The following MYO15A variants were observed in gnomAD, a reference collection of about 807,000 sequenced individuals.
MYO15A encodes myosin XVA, also known as unconventional myosin-XV.
MYO15A carries 308 observed loss-of-function variants against 394.6 expected under a neutral mutation model. The observed-to-expected ratio is 0.78, with a 90% CI of 0.71 to 0.86. MYO15A has a LOEUF of 0.86. Ranked by LOEUF, MYO15A falls within the 40% of genes least tolerant of loss-of-function variation. The probability of loss-of-function intolerance (pLI) is 0.00; values close to 1 mark genes in which losing one functional copy is unlikely to be tolerated. For missense variants in MYO15A, 4,606 were observed against 4,799.1 expected, an observed-to-expected ratio of 0.96 and a Z score of 1.19; for synonymous variants, 1,957 against 2,003.8, an observed-to-expected ratio of 0.98 and a Z score of 0.62.
In MYO15A at chr17:18,135,915, C is replaced by T; in HGVS notation, c.4596+91C>T. 3.4e-6 allele frequency: 4 copies of T among 1,178,008 alleles called. No individual in the cohort carries two copies. The South Asian group carries it at 5.3e-5, about 15-fold the overall frequency. 73.0% of individuals were successfully genotyped at this position (1,178,008 alleles called of 1,614,324 possible). ...GCCGATCCTTTGTGGGCAGCCTCTC[C>T]CTCTCTCCTGCTCTCTCTGTCCCTG... On this transcript the variant is annotated intron_variant, in intron 13 of 65. Transcript: ENST00000647165.
At chr17:18,118,026 C>T (rs1054975603) in intron 1 of MYO15A, among the ~76,000 whole-genome samples, 3 of 152,126 alleles carry the variant, frequency 2.0e-5, no homozygotes, top group African/African-American at 7.2e-5. Context: ...CCAGGCCTGA[C>T]CCAACCTCCA....
In MYO15A at chr17:18,135,838, C is replaced by T; in HGVS notation, c.4596+14C>T. The T allele has an allele frequency of 6.2e-7, 1 of 1,609,632 alleles. No individual in the cohort carries two copies. Among genetic ancestry groups the T allele is most frequent in the Non-Finnish European group, 8.5e-7 (1 of 1,176,960 alleles). On this transcript the variant is annotated intron_variant, in intron 13 of 65. Transcript: ENST00000647165. ...TTCAAAGTGACCGTGAGTCTGTGGG[C>T]ATCTGGCCTTCGAACAAAGCTTTCT... is the stretch of plus-strand genomic sequence containing the variant.
chr17:18,140,137 A>G (rs1171058171), intron 19 of MYO15A, among the ~76,000 whole-genome samples: 3 of 152,190 alleles, frequency 2.0e-5, no homozygotes, highest in Non-Finnish European at 1.5e-5. Flanking sequence ...GACAGAGCAC[A>G]GGCCTGGTAA....
chr17:18,133,239 G>A lies in MYO15A; in HGVS notation c.4335G>A (p.Glu1445=), dbSNP rs762839478. The A allele has an allele frequency of 4.2e-5, 67 of 1,614,016 alleles. No homozygotes were observed. Among genetic ancestry groups the A allele is most frequent in the Non-Finnish European group, 5.3e-5 (63 of 1,180,010 alleles). ...YYYLNQGGNC[E]IAGKSDADDF... ...CCCTCATGCAGGGTGGGAACTGTGA[G>A]ATAGCAGGAAAGAGCGATGCAGATG... Residue 1445 remains glutamate, a synonymous_variant, in exon 12 of 66, where the codon GAG becomes GAA. Transcript: ENST00000647165.
rs2045946290 is a variant in MYO15A, at chr17:18,121,990, C to T, written c.3190C>T (p.Pro1064Ser). Reference protein sequence around the residue: ...QKTLRPSLSYPLAACDQTRAT... With the variant: ...QKTLRPSLSYSLAACDQTRAT... ...GACATTAAGGCCCAGCCTCTCATAC[C>T]CACTGGCTGCGTGTGACCAGACCAG... is the stretch of plus-strand genomic sequence containing the variant. Residue 1064 changes from proline to serine, a missense_variant, in exon 2 of 66, where the codon CCA (proline) becomes TCA (serine). Coordinates refer to ENST00000647165, the MANE Select transcript of MYO15A (RefSeq NM_016239.4). This position sits in a 1 kb window ranked among gnomAD's most constrained non-coding sequence, Gnocchi z 5.3. 1 of 1,613,186 alleles carries T rather than the reference C, an allele frequency of 6.2e-7. No homozygotes were observed. The highest frequency in any genetic ancestry group is 8.5e-7 in the Non-Finnish European group (1 of 1,180,032).
At position 18,178,940 on chromosome 17, in the gene MYO15A, C is replaced by T. The variant is rs2047053490; in HGVS notation, c.*70C>T. 1.3e-6 allele frequency: 2 copies of T among 1,486,586 alleles called. No individual in the cohort carries two copies. The highest frequency in any genetic ancestry group is 1.8e-6 in the Non-Finnish European group (2 of 1,082,152). The allele number at this position is 1,486,586 out of a possible 1,614,324, so 92.1% of individuals were successfully genotyped here. On this transcript the variant is annotated 3_prime_UTR_variant, in exon 66 of 66. Coordinates refer to ENST00000647165, the MANE Select transcript of MYO15A (RefSeq NM_016239.4). ...TGTGGCCTCAGAGAAATCACTGAAC[C>T]TCTCAGGATCAATGACCCCTGTAAG...
intron 5 of MYO15A, 80 bp downstream of exon 5, chr17:18,126,536 C>A: frequency 1.5e-6 from 2 of 1,377,958 alleles, no homozygotes. Flanking sequence ...CCCGGCTGCA[C>A]CTGAGCCATG....
In MYO15A at chr17:18,153,869, C is replaced by T. The variant is rs200130551; in HGVS notation, c.8061C>T (p.Ala2687=). ...INPNFYGYQD[A]PWKIFLRKEV... Reference sequence around the variant, plus strand: ...CCAACTTCTACGGCTATCAGGACGCCCCCTGGAAGATCTTCCTGCGCAAAG... The same window carrying T: ...CCAACTTCTACGGCTATCAGGACGCTCCCTGGAAGATCTTCCTGCGCAAAG... The change falls in exon 43 of 66, where the codon GCC becomes GCT. Residue 2687 remains alanine (A), a synonymous_variant. Transcript: ENST00000647165. This position sits in a 1 kb window ranked among gnomAD's most constrained non-coding sequence, Gnocchi z 4.1. 4.3e-6 allele frequency: 7 copies of T among 1,613,560 alleles called. No homozygotes were observed. The highest frequency in any genetic ancestry group is 1.3e-5 in the African/African-American group (1 of 74,924).
chr17:18,130,677 C>A, intron 7 of MYO15A, 128 bp from the exon 8 acceptor site: 1 of 1,522,514 alleles, frequency 6.6e-7, no homozygotes, highest in Non-Finnish European at 9.0e-7. Flanking sequence ...CTGAGCCTCA[C>A]AGGTTTTTAC....
At chr17:18,142,626 G>T in intron 24 of MYO15A, 130 bp from the exon 25 acceptor site, 1 of 795,332 alleles carries the variant, frequency 1.3e-6, no homozygotes, top group South Asian at 1.5e-5. Context: ...GTTTCCCTTT[G>T]AGCCAAAGGA....
Position 18,122,308 on chromosome 17 carries a change from G to A in MYO15A, c.3508G>A (p.Val1170Ile). The change falls in exon 2 of 66, where the codon GTA (valine) becomes ATA (isoleucine). Residue 1170 changes from valine to isoleucine, a missense_variant. Val to Ile is a conservative substitution (Grantham distance 29). Coordinates refer to ENST00000647165, the MANE Select transcript of MYO15A (RefSeq NM_016239.4). Reference protein sequence around the residue: ...RADAYGPWPRVHTHPQSCHLG... With the variant: ...RADAYGPWPRIHTHPQSCHLG... ...AGATGCCTATGGACCCTGGCCACGA[G>A]TACACACCCATCCCCAGTCCTGCCA... 2 of 1,613,056 alleles carry A rather than the reference G, an allele frequency of 1.2e-6. No homozygotes were observed. The highest frequency in any genetic ancestry group is 1.7e-6 in the Non-Finnish European group (2 of 1,180,006).
At chr17:18,163,698 C>A in intron 59 of MYO15A, 44 bp from the exon 60 acceptor site, 2 of 1,564,678 alleles carry the variant, frequency 1.3e-6, no homozygotes, top group South Asian at 2.3e-5. Flanking sequence ...GGACAGAGGT[C>A]AAGCCCAACT....
intron 24 of MYO15A, 128 bp downstream of exon 24, chr17:18,142,382 G>A (rs574864030): frequency 1.7e-6 from 2 of 1,145,902 alleles, no homozygotes; most frequent in Admixed American, 4.0e-5. Flanking sequence ...GCCTCTGCAG[G>A]AGAATGATCA....
At chr17:18,115,848 A>G (rs751975775) in intron 1 of MYO15A, among the ~76,000 whole-genome samples, 26 of 151,956 alleles carry the variant, frequency 1.7e-4, no homozygotes, top group Admixed American at 3.3e-4. Context: ...GGCTCTCTCC[A>G]TGGCCCCATA....
Position 18,171,697 on chromosome 17 carries a change from G to A in MYO15A, c.10142G>A (p.Trp3381Ter), listed in dbSNP as rs2046943170. 6.2e-7 allele frequency: 1 copy of A among 1,613,112 alleles called. No individual in the cohort carries two copies. Among genetic ancestry groups the A allele is most frequent in the Admixed American group, 1.7e-5 (1 of 60,016 alleles). The change falls in exon 63 of 66, where the codon TGG (tryptophan) becomes TAG (stop). Residue 3381 changes from tryptophan (W) to a stop codon, truncating the protein, a stop_gained. Coordinates refer to ENST00000647165, the MANE Select transcript of MYO15A (RefSeq NM_016239.4). LOFTEE classifies it high-confidence loss of function. ...QLYRTTAGST[W>*]LNLVSQHRQQ... ...TACCGTACAACGGCAGGCTCGACCT[G>A]GCTCAACCTGGTCAGCCAGCACCGG... is the stretch of plus-strand genomic sequence containing the variant.
Position 18,178,981 on chromosome 17 carries a change from A to T in MYO15A, c.*111A>T. The T allele has an allele frequency of 8.1e-6, 9 of 1,110,026 alleles. No homozygotes were observed. In the South Asian group the frequency reaches 1.2e-4, roughly 15 times the overall value. The allele number at this position is 1,110,026 out of a possible 1,614,324, so 68.8% of individuals were successfully genotyped here. A position where few individuals can be genotyped will look rare whatever the true frequency, so the allele number is the denominator to read the frequency against. Reference sequence around the variant, plus strand: ...CCCCTGTAAGGGGCCAGAGCCTTGGAGGACACTAAGAGGAGGCAGGAGGAG... The same window carrying T: ...CCCCTGTAAGGGGCCAGAGCCTTGGTGGACACTAAGAGGAGGCAGGAGGAG... On this transcript the variant is annotated 3_prime_UTR_variant, in exon 66 of 66. Coordinates refer to ENST00000647165, the MANE Select transcript of MYO15A (RefSeq NM_016239.4).
At position 18,119,743 on chromosome 17, in the gene MYO15A, C is replaced by A. The variant is rs2045871994; in HGVS notation, c.943C>A (p.Pro315Thr). The change falls in exon 2 of 66, where the codon CCA becomes ACA. Residue 315 changes from proline to threonine, a missense_variant. Around this residue, in one of 2 missense-constraint regions of MYO15A, gnomAD observed 1,830 missense variants for 1,689.7 expected, o/e 1.08. Coordinates refer to ENST00000647165, the MANE Select transcript of MYO15A (RefSeq NM_016239.4). ...CTACGGCTACGACGATTACGAACCC[C>A]CATATGCGCCCCCGTCGGGGTACTC... ...YGYGYDDYEP[P>T]YAPPSGYSSP... 6.2e-7 allele frequency: 1 copy of A among 1,612,816 alleles called. No homozygotes were observed. Among genetic ancestry groups the A allele is most frequent in the Non-Finnish European group, 8.5e-7 (1 of 1,179,998 alleles).
At position 18,161,436 on chromosome 17, in the gene MYO15A, T is replaced by C. The variant is rs200677882; in HGVS notation, c.9506T>C (p.Leu3169Pro). The C allele has an allele frequency of 1.9e-4, 300 of 1,613,848 alleles. No individual in the cohort carries two copies. In the African/African-American group the frequency reaches 3.7e-3, roughly 20 times the overall value. ...FLQDVSRTPG[L>P]PFQGIAKACE... ...CAAGACGTGAGCCGGACCCCAGGCCTGCCCTTTCAGGGTGAGAGGTCAATG... is the reference window on the plus strand; with the variant it reads ...CAAGACGTGAGCCGGACCCCAGGCCCGCCCTTTCAGGGTGAGAGGTCAATG... The change falls in exon 57 of 66, where the codon CTG becomes CCG. Residue 3169 changes from leucine (L) to proline (P), a missense_variant. By Grantham distance (98) the Leu-to-Pro change is moderately conservative. Around this residue, in one of 2 missense-constraint regions of MYO15A, gnomAD observed 2,776 missense variants for 3,109.3 expected, o/e 0.89. Coordinates refer to ENST00000647165, the MANE Select transcript of MYO15A (RefSeq NM_016239.4).
At position 18,120,535 on chromosome 17, in the gene MYO15A, A is replaced by T. The variant is rs768908705; in HGVS notation, c.1735A>T (p.Thr579Ser). Residue 579 changes from threonine (T) to serine (S), a missense_variant, in exon 2 of 66, where the codon ACG becomes TCG. Around this residue, in one of 2 missense-constraint regions of MYO15A, gnomAD observed 1,830 missense variants for 1,689.7 expected, o/e 1.08. Transcript: ENST00000647165. ...CTCGCTTGCGCGGTTCCTCAAGAAG[A>T]CGCTGTCGGAGAAGAAGCCCATCGC... ...ATSLARFLKK[T>S]LSEKKPIARL... The T allele has an allele frequency of 4.4e-6, 7 of 1,593,936 alleles. No homozygotes were observed. Among genetic ancestry groups the T allele is most frequent in the Non-Finnish European group, 6.0e-6 (7 of 1,172,918 alleles).
Sources: allele counts gnomAD v4.1 joint callset (sites outside exome capture counted in the v4.1 genomes callset), GRCh38; gene constraint gnomAD v4.1.1; regional missense constraint gnomAD v4.1.1; non-coding constraint Gnocchi (gnomAD v3.1); transcripts MANE v1.5; gene names NCBI Gene and HGNC (gene_info 2026-07-23, HGNC 2026-07-21).